The following CRCP variants were observed in gnomAD, a reference collection of about 807,000 sequenced individuals.
The protein encoded by CRCP is DNA-directed RNA polymerase III subunit RPC9.
A neutral mutation model predicts 18.5 loss-of-function variants in CRCP; 18 were observed. That is an observed-to-expected ratio of 0.97 (90% CI 0.67 to 1.44). CRCP has a LOEUF of 1.44. CRCP is among the 40% of genes most tolerant of loss of function. The pLI is 0.00. For missense variants in CRCP, 130 were observed against 176.4 expected, an observed-to-expected ratio of 0.74 and a Z score of 1.49; for synonymous variants, 53 against 62.9, an observed-to-expected ratio of 0.84 and a Z score of 0.75.
intron 2 of CRCP, among the ~76,000 whole-genome samples, chr7:66,128,123 A>AAAAAAGAAAGAAAGAAAG (rs1787670847): frequency 6.6e-6 from 1 of 151,694 alleles, no homozygotes; most frequent in Non-Finnish European, 1.5e-5. Context: ...TCAAAAAAAA[A>AAAAAAGAAAGAAAGAAAG]AAAAAGAAAG....
intron 1 of CRCP, among the ~76,000 whole-genome samples, chr7:66,119,106 G>T (rs1787358012): frequency 2.0e-5 from 3 of 152,166 alleles, no homozygotes; most frequent in Non-Finnish European, 4.4e-5. Flanking sequence ...GGAGAATCTG[G>T]ATGGGCCTTG....
chr7:66,127,576 A>G, intron 1 of CRCP, 128 bp from the exon 2 acceptor site: 3 of 1,003,528 alleles, frequency 3.0e-6, no homozygotes, highest in Non-Finnish European at 4.6e-6. Context: ...TCTCAGTTTC[A>G]ATTTTAGGTT....
At chr7:66,142,377 G>A (rs950083809) in intron 4 of CRCP, among the ~76,000 whole-genome samples, 15 of 152,174 alleles carry the variant, frequency 9.9e-5, no homozygotes, top group Admixed American at 6.5e-4. Flanking sequence ...GTGTTATCAA[G>A]AGGTTCGTTC....
chr7:66,149,033 C>G (rs569248351), intron 5 of CRCP, among the ~76,000 whole-genome samples: 1 of 152,226 alleles, frequency 6.6e-6, no homozygotes, highest in South Asian at 2.1e-4. Context: ...TTTTGGAGGT[C>G]GGCAACCCGG....
Position 66,138,749 on chromosome 7 carries a change from C to T in CRCP, c.239+4375C>T, listed in dbSNP as rs548839939. Reference sequence around the variant, plus strand: ...GCAGAGCTTGCAGTGAGCCAAGATGCGCCACTGCACTCCGGCCTGGGGGAC... The same window carrying T: ...GCAGAGCTTGCAGTGAGCCAAGATGTGCCACTGCACTCCGGCCTGGGGGAC... On this transcript the variant is annotated intron_variant, in intron 4 of 5. Transcript: ENST00000395326. Among the ~76,000 whole-genome samples, 56 of 149,826 alleles carry T rather than the reference C, an allele frequency of 3.7e-4. 2 individuals carry two copies. The South Asian group carries it at 9.0e-3, about 24-fold the overall frequency.
chr7:66,152,375 C>T lies in CRCP; in HGVS notation c.*18C>T, dbSNP rs143456688. 683 of 1,612,662 alleles carry T rather than the reference C, an allele frequency of 4.2e-4. 5 individuals carry two copies. The African/African-American group carries it at 7.8e-3, about 18-fold the overall frequency. On this transcript the variant is annotated 3_prime_UTR_variant, in exon 6 of 6. Coordinates refer to ENST00000395326, the MANE Select transcript of CRCP (RefSeq NM_014478.5). ...CAGCATAGAAGAGCACAGCTGGCCC[C>T]GGCGTTTCATGAAGTCAGAAGGCCT... is the stretch of plus-strand genomic sequence containing the variant.
chr7:66,140,482 G>A (rs998230190), intron 4 of CRCP, among the ~76,000 whole-genome samples: 1 of 151,220 alleles, frequency 6.6e-6, no homozygotes, highest in South Asian at 2.1e-4. Flanking sequence ...TGCAACTGCC[G>A]CCTCCTGGGT....
intron 2 of CRCP, among the ~76,000 whole-genome samples, chr7:66,129,274 A>G (rs1007123460): frequency 1.3e-5 from 2 of 152,180 alleles, no homozygotes; most frequent in Non-Finnish European, 2.9e-5. Flanking sequence ...TGGAGCCTGC[A>G]GTGAGCCAAG....
intron 1 of CRCP, among the ~76,000 whole-genome samples, chr7:66,117,046 G>A (rs956779995): frequency 5.9e-5 from 9 of 151,266 alleles, no homozygotes; most frequent in Admixed American, 2.0e-4. Flanking sequence ...GCTTGAACTC[G>A]GGAGGCAGGG....
At chr7:66,133,419 A>G (rs375856531) in intron 3 of CRCP, among the ~76,000 whole-genome samples, 1 of 151,940 alleles carries the variant, frequency 6.6e-6, no homozygotes, top group South Asian at 2.1e-4. Context: ...GAAGCAGGAG[A>G]ATGGTGTGAA....
intron 1 of CRCP, 78 bp downstream of exon 1, chr7:66,115,048 G>C: frequency 6.4e-7 from 1 of 1,561,766 alleles, no homozygotes; most frequent in East Asian, 2.3e-5. Context: ...GCCGAGAGCC[G>C]TGGGGACTGG....
chr7:66,145,942 A>T lies in CRCP; in HGVS notation c.297+442A>T, dbSNP rs1390313390. Among the ~76,000 whole-genome samples, 5 of 152,002 alleles carry T rather than the reference A, an allele frequency of 3.3e-5. No homozygotes were observed. The South Asian group carries it at 1.0e-3, about 31-fold the overall frequency. The stretch of plus-strand genomic sequence containing the variant: ...GTCCCATCAGCTCCCTTCCTTGCTC[A>T]TCTCCTGGCCTGGCCTCCCACGCCG... On this transcript the variant is annotated intron_variant, in intron 5 of 5. Coordinates refer to ENST00000395326, the MANE Select transcript of CRCP (RefSeq NM_014478.5).
At chr7:66,133,463 G>T (rs555951422) in intron 3 of CRCP, among the ~76,000 whole-genome samples, 1 of 149,842 alleles carries the variant, frequency 6.7e-6, no homozygotes, top group African/African-American at 2.4e-5. Flanking sequence ...AGCCGAGATC[G>T]TGCCGCTGCA....
chr7:66,142,383 C>T (rs528225622), intron 4 of CRCP, among the ~76,000 whole-genome samples: 3 of 152,332 alleles, frequency 2.0e-5, no homozygotes, highest in East Asian at 3.9e-4. Context: ...TCAAGAGGTT[C>T]GTTCCTCCAC....
chr7:66,151,870 T>C (rs1035537277), intron 5 of CRCP, among the ~76,000 whole-genome samples: 1 of 151,412 alleles, frequency 6.6e-6, no homozygotes, highest in Non-Finnish European at 1.5e-5. Context: ...GCTGGGACTA[T>C]TGGCACACAC....
chr7:66,120,273 G>C (rs562247261), intron 1 of CRCP, among the ~76,000 whole-genome samples: 1 of 152,190 alleles, frequency 6.6e-6, no homozygotes, highest in Non-Finnish European at 1.5e-5. Context: ...TGGAACCTGA[G>C]GCTAAGGAAA....
At chr7:66,115,313 TAGA>T (rs1253469263) in intron 1 of CRCP, among the ~76,000 whole-genome samples, 1 of 152,092 alleles carries the variant, frequency 6.6e-6, no homozygotes, top group South Asian at 2.1e-4. Flanking sequence ...ACCCCGGACT[TAGA>T]AGGCTATAAA....
intron 2 of CRCP, chr7:66,130,306 G>A (rs1256247979): frequency 1.5e-5 from 3 of 205,298 alleles, no homozygotes; most frequent in South Asian, 6.3e-5. Flanking sequence ...GGGTTTCACC[G>A]TGTTAGCCAG....
At chr7:66,117,005 C>G (rs1787285605) in intron 1 of CRCP, among the ~76,000 whole-genome samples, 1 of 151,442 alleles carries the variant, frequency 6.6e-6, no homozygotes, top group Non-Finnish European at 1.5e-5. Flanking sequence ...CCTGTAATCC[C>G]AGTAACTCAG....
Sources: gnomAD v4.1 joint callset for allele counts (sites outside exome capture counted in the v4.1 genomes callset) on GRCh38, gnomAD v4.1.1 for gene constraint, MANE v1.5 for transcripts, NCBI Gene and HGNC (gene_info 2026-07-23, HGNC 2026-07-21) for gene names.